LRP1B: variants seen among roughly 807,000 people sequenced by gnomAD.
LRP1B encodes LDL receptor related protein 1B, also known as low-density lipoprotein receptor-related protein 1B.
In LRP1B, 217 loss-of-function variants were observed where a neutral mutation model predicts 556.6. The ratio of observed to expected loss-of-function variants is 0.39; its 90% confidence interval spans 0.35 to 0.44. The LOEUF is 0.44. LRP1B is among the 20% of genes least tolerant of loss of function. The probability of loss-of-function intolerance (pLI) is 1.00; values close to 1 mark genes in which losing one functional copy is unlikely to be tolerated. For synonymous variants in LRP1B, 2,047 were observed against 1,865.8 expected (o/e 1.10, Z -2.50); for missense variants, 5,053 against 5,620.8 (o/e 0.90, Z 3.23).
intron 41 of LRP1B, among the ~76,000 whole-genome samples, chr2:140,680,906 C>A (rs544331382): frequency 2.9e-4 from 44 of 152,304 alleles, no homozygotes; most frequent in African/African-American, 1.0e-3. Context: ...ACAGAAAATA[C>A]TAACAGTCCC....
intron 2 of LRP1B, among the ~76,000 whole-genome samples, chr2:141,654,092 T>C (rs979044364): frequency 6.6e-6 from 1 of 152,210 alleles, no homozygotes; most frequent in Non-Finnish European, 1.5e-5. Context: ...TAGAGCCATT[T>C]AATGACAGGA....
intron 37 of LRP1B, among the ~76,000 whole-genome samples, chr2:140,703,337 CAT>C (rs554340033): frequency 6.8e-4 from 103 of 151,966 alleles, no homozygotes; most frequent in Non-Finnish European, 1.3e-3. Flanking sequence ...AATAAAACAA[CAT>C]GTCATAAAAT....
intron 10 of LRP1B, among the ~76,000 whole-genome samples, chr2:141,052,052 A>G (rs1699050776): frequency 6.6e-6 from 1 of 152,010 alleles, no homozygotes; most frequent in Non-Finnish European, 1.5e-5. Flanking sequence ...ATAATTTACC[A>G]AGTCATTTTC....
Position 141,400,636 on chromosome 2 carries a change from C to T in LRP1B, c.343+79760G>A, listed in dbSNP as rs541092976. Among the ~76,000 whole-genome samples, 3 of 152,256 alleles carry T rather than the reference C, an allele frequency of 2.0e-5. No individual in the cohort carries two copies. In the East Asian group the frequency reaches 5.8e-4, roughly 29 times the overall value. ...CAGTAGCGTCAAGAGCCTTCAGACA[C>T]TTCACTTTCTCTAGACTATGCCAAA... is the stretch of plus-strand genomic sequence containing the variant. On this transcript the variant is annotated intron_variant, in intron 3 of 90. Coordinates refer to ENST00000389484, the MANE Select transcript of LRP1B (RefSeq NM_018557.3).
chr2:141,746,819 T>C (rs1440740375), intron 2 of LRP1B, among the ~76,000 whole-genome samples: 2 of 152,178 alleles, frequency 1.3e-5, no homozygotes, highest in African/African-American at 4.8e-5. Flanking sequence ...AATACCCTTA[T>C]GGTATTAGGT....
At chr2:141,614,080 CA>C (rs550183140) in intron 2 of LRP1B, among the ~76,000 whole-genome samples, 38 of 47,354 alleles carry the variant, frequency 8.0e-4, no homozygotes, top group Admixed American at 2.2e-3. Context: ...AACTCAGCCT[CA>C]AAAAAAAAAA....
intron 25 of LRP1B, among the ~76,000 whole-genome samples, chr2:140,871,977 T>G (rs535565354): frequency 9.2e-5 from 14 of 151,460 alleles, no homozygotes; most frequent in Non-Finnish European, 1.8e-4. Flanking sequence ...AAGAGGTGTG[T>G]GTGTTTGTAT....
In LRP1B at chr2:141,978,061, C is replaced by T. The variant is rs146918833; in HGVS notation, c.82+152587G>A. Among the ~76,000 whole-genome samples the T allele has an allele frequency of 1.1e-3, 166 of 151,978 alleles. 1 individual carries two copies. Among genetic ancestry groups the T allele is most frequent in the Non-Finnish European group, 2.8e-4 (19 of 67,946 alleles). On this transcript the variant is annotated intron_variant, in intron 1 of 90. Coordinates refer to ENST00000389484, the MANE Select transcript of LRP1B (RefSeq NM_018557.3). ...CGCAAACCACATAATTTTTTAAATG[C>T]GGTTTTGGTATATTATTATCCTGTA...
chr2:140,701,638 T>G (rs1686644878), intron 40 of LRP1B, 83 bp downstream of exon 40: 1 of 1,379,684 alleles, frequency 7.2e-7, no homozygotes, highest in African/African-American at 1.5e-5. Flanking sequence ...TATAGAAGAA[T>G]TTCTAAGTTT....
chr2:140,673,346 T>G (rs1685554776), intron 41 of LRP1B, among the ~76,000 whole-genome samples: 1 of 152,208 alleles, frequency 6.6e-6, no homozygotes, highest in South Asian at 2.1e-4. Flanking sequence ...TTTCATAGCA[T>G]TCTTAATGTG....
At chr2:140,701,187 T>C (rs1228490112) in intron 40 of LRP1B, among the ~76,000 whole-genome samples, 4 of 152,090 alleles carry the variant, frequency 2.6e-5, no homozygotes, top group Non-Finnish European at 5.9e-5. Context: ...CTTCCTTTGA[T>C]ACAAAAAAGT....
At chr2:141,799,808 C>CTGTGTGTGTGTG (rs145191262) in intron 2 of LRP1B, among the ~76,000 whole-genome samples, 7,512 of 147,562 alleles carry the variant, frequency 0.051, 229 homozygotes, top group African/African-American at 0.063. Flanking sequence ...AAGAGTGTGT[C>CTGTGTGTGTGTG]TGTGTGTGTG....
chr2:141,126,280 C>T (rs562123895), intron 7 of LRP1B, among the ~76,000 whole-genome samples: 176 of 152,206 alleles, frequency 1.2e-3, no homozygotes, highest in African/African-American at 4.0e-3. Flanking sequence ...GTGATGCACC[C>T]GCCTCGGACT....
At chr2:140,423,002 T>C (rs1370772337) in intron 66 of LRP1B, among the ~76,000 whole-genome samples, 1 of 152,174 alleles carries the variant, frequency 6.6e-6, no homozygotes, top group Non-Finnish European at 1.5e-5. Flanking sequence ...AGTCACAGCA[T>C]TGAGCCAAAA....
chr2:141,254,651 A>C lies in LRP1B; in HGVS notation c.344-10T>G, dbSNP rs1248062454. On this transcript the variant is annotated splice_polypyrimidine_tract_variant and intron_variant, in intron 3 of 90. Coordinates refer to ENST00000389484, the MANE Select transcript of LRP1B (RefSeq NM_018557.3). ...CAATTGGATAACAGTTCTGTAGAGA[A>C]AAAACAAATATATTCTCTATATTTA... 1 of 1,591,822 alleles carries C rather than the reference A, an allele frequency of 6.3e-7. No homozygotes were observed. Among genetic ancestry groups the C allele is most frequent in the South Asian group, 1.1e-5 (1 of 90,014 alleles).
Position 141,584,459 on chromosome 2 carries a change from G to A in LRP1B, c.206-103926C>T, listed in dbSNP as rs181670574. 1.0e-3 allele frequency among the ~76,000 whole-genome samples: 157 copies of A among 152,082 alleles called. 1 individual carries two copies. Among genetic ancestry groups the A allele is most frequent in the African/African-American group, 3.5e-3 (145 of 41,502 alleles). On this transcript the variant is annotated intron_variant, in intron 2 of 90. Transcript: ENST00000389484. Reference sequence around the variant, plus strand: ...ATCGACCATACTAATTTATGCAGACGGAACACAGCCTATTCCTATTTTAGC... The same window carrying A: ...ATCGACCATACTAATTTATGCAGACAGAACACAGCCTATTCCTATTTTAGC...
At chr2:140,427,429 C>A (rs1685711675) in intron 66 of LRP1B, among the ~76,000 whole-genome samples, 1 of 152,124 alleles carries the variant, frequency 6.6e-6, no homozygotes, top group Admixed American at 6.5e-5. Flanking sequence ...TCTCCCTTAG[C>A]CTATGTTCTT....
At chr2:141,454,704 A>G (rs1459318826) in intron 3 of LRP1B, among the ~76,000 whole-genome samples, 3 of 101,276 alleles carry the variant, frequency 3.0e-5, no homozygotes, top group Non-Finnish European at 6.2e-5. Context: ...CAGCCTTTAT[A>G]CTTTTTCTTT....
intron 1 of LRP1B, among the ~76,000 whole-genome samples, chr2:142,018,701 A>G (rs1703231490): frequency 6.6e-6 from 1 of 152,100 alleles, no homozygotes; most frequent in Non-Finnish European, 1.5e-5. Context: ...AAATGTGCCC[A>G]TGTCCATATA....
Sources: gnomAD v4.1 joint callset for allele counts (sites outside exome capture counted in the v4.1 genomes callset) on GRCh38, gnomAD v4.1.1 for gene constraint, MANE v1.5 for transcripts, NCBI Gene and HGNC (gene_info 2026-07-23, HGNC 2026-07-21) for gene names.